XIRP2: variants seen among roughly 807,000 people sequenced by gnomAD.
The protein encoded by XIRP2 is xin actin binding repeat containing 2.
Under a neutral mutation model 277.0 loss-of-function variants are expected in XIRP2, and 236 were observed. The ratio of observed to expected loss-of-function variants is 0.85; its 90% CI spans 0.77 to 0.95. The LOEUF (loss-of-function observed/expected upper bound fraction) is 0.95, where lower values mean the gene tolerates loss of function less well. Among genes scored for constraint, XIRP2 ranks in the 40% least tolerant of loss-of-function variants. The pLI is 0.00. For synonymous variants in XIRP2, 1,490 were observed against 1,416.5 expected (o/e 1.05, Z -1.17); for missense variants, 4,640 against 4,157.5 (o/e 1.12, Z -3.19).
rs764799264 is a variant in XIRP2 at position 167,244,049 on chromosome 2, C to A, written c.2657C>A (p.Ala886Glu). 1.9e-6 allele frequency: 3 copies of A among 1,613,766 alleles called. No individual in the cohort carries two copies. The change falls in exon 9 of 11, where the codon GCA becomes GAA. Residue 886 changes from alanine to glutamate, a missense_variant. Coordinates refer to ENST00000409195, the MANE Select transcript of XIRP2 (RefSeq NM_152381.6). ...CTATTTGAAACACTTCCAATTGAAG[C>A]ATTAAAAGACAGTCCTGATATAGGA... is the stretch of plus-strand genomic sequence containing the variant. ...KHLFETLPIEALKDSPDIGKL... is the reference protein window; with the variant it reads ...KHLFETLPIEELKDSPDIGKL...
At position 167,242,935 on chromosome 2, in the gene XIRP2, A is replaced by G. The variant is rs1159166437; in HGVS notation, c.1543A>G (p.Lys515Glu). 1 of 1,613,440 alleles carries G rather than the reference A, an allele frequency of 6.2e-7. No individual in the cohort carries two copies. The highest frequency in any genetic ancestry group is 8.5e-7 in the Non-Finnish European group (1 of 1,179,884). The change falls in exon 9 of 11, where the codon AAA becomes GAA. Residue 515 changes from lysine to glutamate, a missense_variant. Coordinates refer to ENST00000409195, the MANE Select transcript of XIRP2 (RefSeq NM_152381.6). ...TCCTGAGTTAAGAAAAAACTTAGAA[A>G]AAGATTATATCAGTGAAGTTTCTGA... ...IHPELRKNLE[K>E]DYISEVSEIV... is the part of the protein sequence containing the mutation.
chr2:167,101,517 A>T (rs538022325), intron 2 of XIRP2, among the ~76,000 whole-genome samples: 3 of 152,100 alleles, frequency 2.0e-5, no homozygotes, highest in Non-Finnish European at 4.4e-5. Flanking sequence ...TATCATTCTT[A>T]TGTCTTTGTA....
chr2:167,099,555 T>C (rs921953451), intron 2 of XIRP2, among the ~76,000 whole-genome samples: 2 of 134,762 alleles, frequency 1.5e-5, no homozygotes, highest in African/African-American at 7.1e-5. Flanking sequence ...ACCACTGGGG[T>C]ATGAAAAAAA....
At chr2:167,163,086 A>G (rs987511628) in intron 3 of XIRP2, among the ~76,000 whole-genome samples, 3 of 152,174 alleles carry the variant, frequency 2.0e-5, no homozygotes, top group Non-Finnish European at 4.4e-5. Flanking sequence ...TTCTTTATGG[A>G]CAGCTAGGCT....
In XIRP2 at chr2:167,245,107, T is replaced by C; in HGVS notation, c.3715T>C (p.Cys1239Arg). 1 of 1,610,222 alleles carries C rather than the reference T, an allele frequency of 6.2e-7. No individual in the cohort carries two copies. The highest frequency in any genetic ancestry group is 8.5e-7 in the Non-Finnish European group (1 of 1,178,958). Residue 1239 changes from cysteine to arginine, a missense_variant, in exon 9 of 11, where the codon TGT (cysteine) becomes CGT (arginine). Cys to Arg is a radical substitution (Grantham distance 180). Coordinates refer to ENST00000409195, the MANE Select transcript of XIRP2 (RefSeq NM_152381.6). ...EDIQKGNVLN[C>R]RWLFENQPID... ...TATTCAGAAAGGCAATGTTTTAAAT[T>C]GTAGGTGGCTTTTTGAAAACCAACC...
chr2:167,118,613 C>G (rs911295002), intron 2 of XIRP2, among the ~76,000 whole-genome samples: 6 of 152,162 alleles, frequency 3.9e-5, no homozygotes, highest in Non-Finnish European at 8.8e-5. Context: ...TCCCTTCCCT[C>G]TGGAGGATGC....
At chr2:167,023,172 T>C (rs1453390234) in intron 2 of XIRP2, among the ~76,000 whole-genome samples, 2 of 152,252 alleles carry the variant, frequency 1.3e-5, no homozygotes, top group Admixed American at 6.5e-5. Context: ...TGGTATCTCA[T>C]TGTGGTTTTC....
At chr2:167,107,680 GTTTGT>G (rs1467950514) in intron 2 of XIRP2, among the ~76,000 whole-genome samples, 10 of 151,292 alleles carry the variant, frequency 6.6e-5, no homozygotes, top group African/African-American at 2.4e-4. Context: ...ATTTTGTTTT[GTTTGT>G]TTTGTTGATT....
intron 2 of XIRP2, among the ~76,000 whole-genome samples, chr2:167,126,533 C>T (rs1015967752): frequency 2.6e-5 from 4 of 152,070 alleles, no homozygotes; most frequent in Non-Finnish European, 5.9e-5. Context: ...CATGATTTGT[C>T]CTTATTTTTC....
At chr2:167,057,936 A>C (rs184036441) in intron 2 of XIRP2, among the ~76,000 whole-genome samples, 147 of 152,208 alleles carry the variant, frequency 9.7e-4, no homozygotes, top group African/African-American at 3.4e-3. Flanking sequence ...AGAGACAAAA[A>C]GAAAAAGAAC....
chr2:167,228,684 T>C (rs1694676387), intron 5 of XIRP2, among the ~76,000 whole-genome samples: 1 of 151,986 alleles, frequency 6.6e-6, no homozygotes, highest in Non-Finnish European at 1.5e-5. Flanking sequence ...CAAATATCCA[T>C]TAGTAAGACT....
At chr2:166,998,903 CAT>C (rs1326681783) in intron 2 of XIRP2, among the ~76,000 whole-genome samples, 6 of 152,116 alleles carry the variant, frequency 3.9e-5, no homozygotes, top group Non-Finnish European at 7.4e-5. Flanking sequence ...TAAAGAAACT[CAT>C]TACAATTTTG....
At chr2:167,142,441 G>A (rs886232437) in intron 3 of XIRP2, among the ~76,000 whole-genome samples, 6 of 152,002 alleles carry the variant, frequency 3.9e-5, no homozygotes, top group African/African-American at 7.2e-5. Flanking sequence ...CCAGCTACTC[G>A]GGAGGCTGAG....
At chr2:166,979,463 T>G (rs1686805265) in intron 2 of XIRP2, among the ~76,000 whole-genome samples, 1 of 151,086 alleles carries the variant, frequency 6.6e-6, no homozygotes, top group Admixed American at 6.6e-5. Context: ...GTCCCAAATC[T>G]TAGGAGAAAG....
chr2:167,011,910 GT>G (rs775975286), intron 2 of XIRP2, among the ~76,000 whole-genome samples: 33 of 152,168 alleles, frequency 2.2e-4, no homozygotes, highest in Admixed American at 3.9e-4. Context: ...TGTGGGATCA[GT>G]GGTGATATTC....
At chr2:167,230,469 G>A (rs114174908) in intron 5 of XIRP2, among the ~76,000 whole-genome samples, 3 of 151,886 alleles carry the variant, frequency 2.0e-5, no homozygotes, top group African/African-American at 7.3e-5. Context: ...CTACATAAGG[G>A]ATTATGATAA....
At chr2:167,208,813 A>T (rs1193934338) in intron 3 of XIRP2, among the ~76,000 whole-genome samples, 1 of 152,252 alleles carries the variant, frequency 6.6e-6, no homozygotes, top group African/African-American at 2.4e-5. Context: ...TATGGATAAC[A>T]CACAAAATAA....
chr2:167,199,043 G>C (rs1219376505), intron 3 of XIRP2, among the ~76,000 whole-genome samples: 2 of 152,168 alleles, frequency 1.3e-5, no homozygotes, highest in Non-Finnish European at 2.9e-5. Context: ...CAAGAAGTGT[G>C]ATTAGTAGGA....
chr2:167,003,679 A>G (rs1687428808), intron 2 of XIRP2, among the ~76,000 whole-genome samples: 1 of 151,904 alleles, frequency 6.6e-6, no homozygotes, highest in Admixed American at 6.6e-5. Flanking sequence ...TAGAAAGAAG[A>G]CTTTAAAGAG....
Sources: allele counts gnomAD v4.1 joint callset (sites outside exome capture counted in the v4.1 genomes callset), GRCh38; gene constraint gnomAD v4.1.1; transcripts MANE v1.5; gene names NCBI Gene and HGNC (gene_info 2026-07-23, HGNC 2026-07-21).